ZMYM6: variants seen among roughly 807,000 people sequenced by gnomAD.
ZMYM6 encodes the protein zinc finger MYM-type protein 6.
A neutral mutation model predicts 134.0 loss-of-function variants in ZMYM6; 90 were observed. The ratio of observed to expected loss-of-function variants is 0.67; its 90% confidence interval spans 0.57 to 0.80. The LOEUF (loss-of-function observed/expected upper bound fraction) is 0.80. Among genes scored for constraint, ZMYM6 ranks in the 30% least tolerant of loss-of-function variants. The pLI is 0.00. For missense variants in ZMYM6, 1,362 were observed against 1,533.9 expected (o/e 0.89, Z 1.87); for synonymous variants, 481 against 524.1 (o/e 0.92, Z 1.12).
chr1:35,001,073 C>T (rs1462905103), intron 14 of ZMYM6, among the ~76,000 whole-genome samples: 1 of 152,140 alleles, frequency 6.6e-6, no homozygotes, highest in African/African-American at 2.4e-5. Context: ...CAATTGCAAC[C>T]ATAGAGCCTG....
At chr1:35,017,275 C>A (rs757518892) in intron 4 of ZMYM6, 1 of 152,072 alleles carries the variant, frequency 6.6e-6, no homozygotes, top group Non-Finnish European at 1.5e-5. Context: ...TATTTTAATT[C>A]TTTAAAACTC....
Position 35,008,661 on chromosome 1 carries a change from A to G in ZMYM6, c.1665+91T>C, listed in dbSNP as rs921009586. 18 of 1,443,296 alleles carry G rather than the reference A, an allele frequency of 1.2e-5. No individual in the cohort carries two copies. In the African/African-American group the frequency reaches 2.4e-4, roughly 19 times the overall value. The allele number at this position is 1,443,296 out of a possible 1,614,324, so 89.4% of individuals were successfully genotyped here. A position where few individuals can be genotyped will look rare whatever the true frequency, so the allele number is the denominator to read the frequency against. On this transcript the variant is annotated intron_variant, in intron 11 of 15. Coordinates refer to ENST00000357182, the MANE Select transcript of ZMYM6 (RefSeq NM_007167.4). ...CTTATTTTATCCAGTGCTAAACACC[A>G]AATTTTTCTTCACATAATTTGAATA...
Position 35,012,567 on chromosome 1 carries a change from A to T in ZMYM6, c.810T>A (p.Ile270=), listed in dbSNP as rs1233478317. The T allele has an allele frequency of 6.2e-7, 1 of 1,613,520 alleles. No individual in the cohort carries two copies. Among genetic ancestry groups the T allele is most frequent in the Non-Finnish European group, 8.5e-7 (1 of 1,179,782 alleles). The part of the protein sequence containing the change: ...VTAYKQNSAQ[I]PPYALGKSLR... ...ATGACTTCCCCAGGGCATATGGAGG[A>T]ATTTGGGCAGAATTCTATTAAAATA... The change falls in exon 7 of 16, where the codon ATT becomes ATA. Residue 270 remains isoleucine, a synonymous_variant. Coordinates refer to ENST00000357182, the MANE Select transcript of ZMYM6 (RefSeq NM_007167.4).
chr1:35,014,787 A>G lies in ZMYM6; in HGVS notation c.705T>C (p.Cys235=), dbSNP rs777266129. The change falls in exon 6 of 16, where the codon TGT becomes TGC. Residue 235 remains cysteine, a synonymous_variant. Coordinates refer to ENST00000357182, the MANE Select transcript of ZMYM6 (RefSeq NM_007167.4). ...TATAGCAATAGCTCCCACAGTTCTC[A>G]CAACAGTTCATGGTGAGGTTGTTTG... ...HSTNNLTMNC[C]ENCGSYCYSS... The G allele has an allele frequency of 6.2e-7, 1 of 1,614,230 alleles. No homozygotes were observed. Among genetic ancestry groups the G allele is most frequent in the South Asian group, 1.1e-5 (1 of 91,090 alleles).
At position 34,987,069 on chromosome 1, in the gene ZMYM6, A is replaced by G; in HGVS notation, c.*35T>C. ...ATACTTATACAAAACTTAACACAGGATTATTGACTTCACTGTTAAGCAATG... is the reference window on the plus strand; with the variant it reads ...ATACTTATACAAAACTTAACACAGGGTTATTGACTTCACTGTTAAGCAATG... On this transcript the variant is annotated 3_prime_UTR_variant, in exon 16 of 16. Transcript: ENST00000357182. 5 of 1,403,286 alleles carry G rather than the reference A, an allele frequency of 3.6e-6. No individual in the cohort carries two copies. Among genetic ancestry groups the G allele is most frequent in the Non-Finnish European group, 4.7e-6 (5 of 1,055,120 alleles). The allele number at this position is 1,403,286 out of a possible 1,614,324, so 86.9% of individuals were successfully genotyped here.
chr1:34,999,758 T>C (rs1468808320), intron 14 of ZMYM6, among the ~76,000 whole-genome samples: 6 of 152,046 alleles, frequency 3.9e-5, no homozygotes, highest in African/African-American at 1.2e-4. Context: ...CAACACTAAA[T>C]GATGGTGAGG....
chr1:35,029,154 C>T (rs1404575052), intron 2 of ZMYM6, among the ~76,000 whole-genome samples: 1 of 152,164 alleles, frequency 6.6e-6, no homozygotes, highest in East Asian at 1.9e-4. Flanking sequence ...AAGATTACAA[C>T]ATTGCAGCAA....
intron 14 of ZMYM6, 90 bp downstream of exon 14, chr1:35,003,877 GA>G: frequency 2.5e-6 from 3 of 1,193,410 alleles, no homozygotes; most frequent in Non-Finnish European, 3.7e-6. Context: ...CCAGCAAAAA[GA>G]AAAGTATTCA....
At chr1:35,001,176 C>T (rs1310078480) in intron 14 of ZMYM6, among the ~76,000 whole-genome samples, 1 of 151,768 alleles carries the variant, frequency 6.6e-6, no homozygotes, top group African/African-American at 2.4e-5. Context: ...TATTTTTCAC[C>T]TTTCCCAAAA....
intron 8 of ZMYM6, among the ~76,000 whole-genome samples, chr1:35,011,521 A>C (rs1392070364): frequency 6.6e-6 from 1 of 152,212 alleles, no homozygotes. Context: ...GCCAGGAGTC[A>C]CTGTGTTTCT....
intron 15 of ZMYM6, among the ~76,000 whole-genome samples, chr1:34,990,723 C>G (rs187978042): frequency 2.5e-4 from 38 of 151,428 alleles, no homozygotes; most frequent in African/African-American, 7.8e-4. Flanking sequence ...CATGTACCCC[C>G]GAATAAAATA....
intron 15 of ZMYM6, 188 bp downstream of exon 15, chr1:34,992,046 A>T (rs1640684606): frequency 1.4e-6 from 1 of 737,774 alleles, no homozygotes. Flanking sequence ...ATAGCTTGTT[A>T]TGATAGCTGG....
Position 35,021,803 on chromosome 1 carries a change from A to C in ZMYM6, c.94-1336T>G, listed in dbSNP as rs907378919. Among the ~76,000 whole-genome samples, 3 of 152,192 alleles carry C rather than the reference A, an allele frequency of 2.0e-5. No homozygotes were observed. In the East Asian group the frequency reaches 5.8e-4, roughly 29 times the overall value. On this transcript the variant is annotated intron_variant, in intron 2 of 15. Coordinates refer to ENST00000357182, the MANE Select transcript of ZMYM6 (RefSeq NM_007167.4). Reference sequence around the variant, plus strand: ...ACAAAATCCTATTTATTCTTACCACATTCTTTAAAACGTTTTAAAACAAAA... The same window carrying C: ...ACAAAATCCTATTTATTCTTACCACCTTCTTTAAAACGTTTTAAAACAAAA...
In ZMYM6 at chr1:34,996,935, G is replaced by A. The variant is rs1640795718; in HGVS notation, c.1993-4548C>T. 1.3e-5 allele frequency among the ~76,000 whole-genome samples: 2 copies of A among 152,140 alleles called. 1 individual carries two copies. The highest frequency in any genetic ancestry group is 4.1e-4 in the South Asian group (2 of 4,834). ...TGACCACTGGTGAAATTTAAATTAGGTTGTTTTCAAGCTTCTGCTACTATA... is the reference window on the plus strand; with the variant it reads ...TGACCACTGGTGAAATTTAAATTAGATTGTTTTCAAGCTTCTGCTACTATA... On this transcript the variant is annotated intron_variant, in intron 14 of 15. Transcript: ENST00000357182.
At position 35,004,134 on chromosome 1, in the gene ZMYM6, A is replaced by G. The variant is rs141884359; in HGVS notation, c.1955-129T>C. ...CCAGAGTTTCTCAGAAAAATGGTAC[A>G]AGGAAACTGCATCAGTATCACCCAG... On this transcript the variant is annotated intron_variant, in intron 13 of 15. Coordinates refer to ENST00000357182, the MANE Select transcript of ZMYM6 (RefSeq NM_007167.4). The G allele has an allele frequency of 1.2e-5, 9 of 740,398 alleles. No homozygotes were observed. The African/African-American group carries it at 1.6e-4, about 13-fold the overall frequency. The allele number at this position is 740,398 out of a possible 1,614,324, so 45.9% of individuals were successfully genotyped here.
chr1:35,015,672 CGA>C (rs1009186051), intron 4 of ZMYM6, among the ~76,000 whole-genome samples: 1 of 137,278 alleles, frequency 7.3e-6, no homozygotes, highest in African/African-American at 2.8e-5. Context: ...TGCAGTGAGC[CGA>C]GATTGTGCCA....
Position 35,012,456 on chromosome 1 carries a change from G to A in ZMYM6, c.921C>T (p.Tyr307=), listed in dbSNP as rs1420763893. 17 of 1,600,744 alleles carry A rather than the reference G, an allele frequency of 1.1e-5. No homozygotes were observed. Among genetic ancestry groups the A allele is most frequent in the Non-Finnish European group, 1.4e-5 (17 of 1,175,648 alleles). ...CTGAAGAAGTAACAGTCTTAACTCT[G>A]TAAGCAGATAAGCAATTAATAGAGC... is the stretch of plus-strand genomic sequence containing the variant. ...LFCSINCLSA[Y]RVKTVTSSGV... is the part of the protein sequence containing the mutation. The change falls in exon 7 of 16, where the codon TAC becomes TAT. Residue 307 remains tyrosine, a synonymous_variant. Coordinates refer to ENST00000357182, the MANE Select transcript of ZMYM6 (RefSeq NM_007167.4).
At chr1:35,004,786 G>A (rs898397643) in intron 13 of ZMYM6, among the ~76,000 whole-genome samples, 4 of 151,950 alleles carry the variant, frequency 2.6e-5, no homozygotes, top group African/African-American at 7.3e-5. Context: ...GGCCAGGCAC[G>A]GTGGCTCACA....
Position 35,030,316 on chromosome 1 carries a change from C to A in ZMYM6, c.93+231G>T, listed in dbSNP as rs75481222. 6.1e-3 allele frequency: 2,970 copies of A among 490,056 alleles called. 18 individuals are homozygous for A. Among genetic ancestry groups the A allele is most frequent in the Non-Finnish European group, 8.2e-3 (2,287 of 280,054 alleles). The allele number at this position is 490,056 out of a possible 1,614,324, so 30.4% of individuals were successfully genotyped here. ...CATGTTGGTGTGTGCCCTGTGGTCC[C>A]AGCTACACAGGAGGCTGAGGTGGGA... On this transcript the variant is annotated intron_variant, in intron 2 of 15. Transcript: ENST00000357182.
Sources: allele counts gnomAD v4.1 joint callset (sites outside exome capture counted in the v4.1 genomes callset), GRCh38; gene constraint gnomAD v4.1.1; transcripts MANE v1.5; gene names NCBI Gene and HGNC (gene_info 2026-07-23, HGNC 2026-07-21).